Variants in SKI observed in about 807,000 individuals in gnomAD.
SKI encodes ski oncogene.
SKI carries 23 observed loss-of-function variants against 59.3 expected under a neutral mutation model. That is an observed-to-expected ratio of 0.39 (90% CI 0.28 to 0.55). The LOEUF is 0.55. Ranked by LOEUF, SKI falls within the 20% of genes least tolerant of loss-of-function variation. The probability of loss-of-function intolerance (pLI) is 0.67; values close to 1 mark genes in which losing one functional copy is unlikely to be tolerated. For synonymous variants in SKI, 673 were observed against 488.6 expected, an observed-to-expected ratio of 1.38 and a Z score of -4.98; for missense variants, 1,017 against 1,038.9, an observed-to-expected ratio of 0.98 and a Z score of 0.29.
intron 1 of SKI, among the ~76,000 whole-genome samples, chr1:2,294,251 G>T (rs1171628085): frequency 6.6e-6 from 1 of 152,228 alleles, no homozygotes; most frequent in African/African-American, 2.4e-5. Flanking sequence ...GGATGGAGAG[G>T]TCTAAGGCAG....
At chr1:2,287,450 C>T (rs1307868080) in intron 1 of SKI, among the ~76,000 whole-genome samples, 1 of 151,576 alleles carries the variant, frequency 6.6e-6, no homozygotes, top group African/African-American at 2.4e-5. Context: ...CATTCTCCTG[C>T]CTCAGCCTCC....
chr1:2,251,214 C>G (rs1639140661), intron 1 of SKI, among the ~76,000 whole-genome samples: 1 of 152,200 alleles, frequency 6.6e-6, no homozygotes, highest in African/African-American at 2.4e-5. Flanking sequence ...ACTGTCCGTT[C>G]TAGTCACAGT....
At chr1:2,251,670 G>GC (rs1201816304) in intron 1 of SKI, among the ~76,000 whole-genome samples, 1 of 152,234 alleles carries the variant, frequency 6.6e-6, no homozygotes, top group Non-Finnish European at 1.5e-5. Context: ...GGCAGTGGGA[G>GC]ACCTGCTCCA....
At chr1:2,259,081 A>G (rs1639330441) in intron 1 of SKI, among the ~76,000 whole-genome samples, 1 of 152,184 alleles carries the variant, frequency 6.6e-6, no homozygotes, top group African/African-American at 2.4e-5. Context: ...GGTCCGAGGT[A>G]GGGACTGAGA....
chr1:2,299,751 A>C (rs1306762271), intron 1 of SKI, among the ~76,000 whole-genome samples: 1 of 152,184 alleles, frequency 6.6e-6, no homozygotes, highest in Non-Finnish European at 1.5e-5. Flanking sequence ...CGCCCTGAGC[A>C]TCTGCACGTG....
Position 2,229,819 on chromosome 1 carries a change from G to A in SKI, c.969+84G>A. On this transcript the variant is annotated intron_variant, in intron 1 of 6. Transcript: ENST00000378536. This position sits in a 1 kb window ranked among gnomAD's most constrained non-coding sequence, Gnocchi z 6.3. ...GGACTACAGGCTCTGGTCTCCGAAG[G>A]CTGGGACCTGTGCTTCTGCCGTGCC... 2 of 1,544,962 alleles carry A rather than the reference G, an allele frequency of 1.3e-6. No homozygotes were observed. The highest frequency in any genetic ancestry group is 1.7e-4 in the Middle Eastern group (1 of 5,866).
chr1:2,267,029 G>A lies in SKI; in HGVS notation c.970-35949G>A, dbSNP rs566759383. Reference sequence around the variant, plus strand: ...GCTGACTGGCACATCCATTGTGAGCGGATGTGTTTTCCTTCTGCAATAATT... The same window carrying A: ...GCTGACTGGCACATCCATTGTGAGCAGATGTGTTTTCCTTCTGCAATAATT... On this transcript the variant is annotated intron_variant, in intron 1 of 6. Transcript: ENST00000378536. This position sits in a 1 kb window ranked among gnomAD's most constrained non-coding sequence, Gnocchi z 4.1. 1.3e-5 allele frequency among the ~76,000 whole-genome samples: 2 copies of A among 152,108 alleles called. No homozygotes were observed. Among genetic ancestry groups the A allele is most frequent in the African/African-American group, 2.4e-5 (1 of 41,416 alleles).
intron 1 of SKI, among the ~76,000 whole-genome samples, chr1:2,246,715 T>C (rs550408718): frequency 6.6e-6 from 1 of 152,322 alleles, no homozygotes; most frequent in South Asian, 2.1e-4. Context: ...GACAGTGACC[T>C]GCTGGGGCCG....
At chr1:2,243,345 C>T (rs1638921109) in intron 1 of SKI, among the ~76,000 whole-genome samples, 1 of 152,270 alleles carries the variant, frequency 6.6e-6, no homozygotes, top group Non-Finnish European at 1.5e-5. Context: ...CTCTCGTGCT[C>T]CTCGGCAGGG....
chr1:2,286,764 G>C (rs368862767), intron 1 of SKI, among the ~76,000 whole-genome samples: 2 of 152,208 alleles, frequency 1.3e-5, no homozygotes. Context: ...GGCTCCGGTC[G>C]TGGGCTAGTG....
intron 1 of SKI, among the ~76,000 whole-genome samples, chr1:2,263,391 CTGTG>C (rs1639429209): frequency 6.6e-6 from 1 of 151,936 alleles, no homozygotes; most frequent in Non-Finnish European, 1.5e-5. Context: ...GCGCATGCCA[CTGTG>C]CCTGGCTAAT....
chr1:2,288,983 C>T lies in SKI; in HGVS notation c.970-13995C>T, dbSNP rs530323717. ...CTGCCTCGCTCTTCCTGCAGGTCCC[C>T]GGTGCCGCCTGGTTTTCCCGAATCG... On this transcript the variant is annotated intron_variant, in intron 1 of 6. Coordinates refer to ENST00000378536, the MANE Select transcript of SKI (RefSeq NM_003036.4). Among the ~76,000 whole-genome samples, 155 of 152,330 alleles carry T rather than the reference C, an allele frequency of 1.0e-3. 1 individual carries two copies. The highest frequency in any genetic ancestry group is 3.6e-3 in the African/African-American group (148 of 41,574).
rs1011573724 is a variant in SKI at position 2,305,793 on chromosome 1, G to C, written c.1768-227G>C. Among the ~76,000 whole-genome samples, 7 of 152,336 alleles carry C rather than the reference G, an allele frequency of 4.6e-5. No homozygotes were observed. The South Asian group carries it at 1.4e-3, about 32-fold the overall frequency. Reference sequence around the variant, plus strand: ...TCAAGTGACTGACTCAGGCCCCCAGGTTTAGCACAGCTGCCACAGGCCTGG... The same window carrying C: ...TCAAGTGACTGACTCAGGCCCCCAGCTTTAGCACAGCTGCCACAGGCCTGG... On this transcript the variant is annotated intron_variant, in intron 5 of 6. Transcript: ENST00000378536.
intron 1 of SKI, among the ~76,000 whole-genome samples, chr1:2,292,772 C>T (rs1226262055): frequency 6.6e-6 from 1 of 152,208 alleles, no homozygotes; most frequent in East Asian, 1.9e-4. Flanking sequence ...CTTTTAGGAA[C>T]CTTGAGGAGG....
At chr1:2,296,504 T>C (rs1323130843) in intron 1 of SKI, among the ~76,000 whole-genome samples, 1 of 152,234 alleles carries the variant, frequency 6.6e-6, no homozygotes, top group Non-Finnish European at 1.5e-5. Flanking sequence ...TTGCATGCGG[T>C]TACTGGATGT....
chr1:2,240,992 G>C (rs1438602669), intron 1 of SKI, among the ~76,000 whole-genome samples: 1 of 152,214 alleles, frequency 6.6e-6, no homozygotes, highest in Non-Finnish European at 1.5e-5. Flanking sequence ...GGAGCTGCAG[G>C]CGAGGGCTTT....
rs200717031 is a variant in SKI at position 2,304,084 on chromosome 1, G to A, written c.1456G>A (p.Val486Ile). Reference sequence around the variant, plus strand: ...CAAGGACTCGGAGGCGGAGGTGGAAGTTGAAAGCAGGGAGGAATGTACGTG... The same window carrying A: ...CAAGGACTCGGAGGCGGAGGTGGAAATTGAAAGCAGGGAGGAATGTACGTG... ...EDKDSEAEVE[V>I]ESREEFTSSL... The change falls in exon 4 of 7, where the codon GTT (valine) becomes ATT (isoleucine). Residue 486 changes from valine to isoleucine, a missense_variant. Transcript: ENST00000378536. 31 of 1,612,596 alleles carry A rather than the reference G, an allele frequency of 1.9e-5. No individual in the cohort carries two copies. Among genetic ancestry groups the A allele is most frequent in the African/African-American group, 1.2e-4 (9 of 75,038 alleles).
chr1:2,297,512 T>G (rs1640313238), intron 1 of SKI, among the ~76,000 whole-genome samples: 1 of 152,224 alleles, frequency 6.6e-6, no homozygotes, highest in South Asian at 2.1e-4. Flanking sequence ...CCGCTCCACC[T>G]GCTGTGGCCC....
chr1:2,286,094 G>C (rs1383134858), intron 1 of SKI, among the ~76,000 whole-genome samples: 2 of 151,550 alleles, frequency 1.3e-5, no homozygotes, highest in African/African-American at 4.9e-5. Flanking sequence ...GGCTAGTCTT[G>C]AACTCCTGAC....
Sources: gnomAD v4.1 joint callset for allele counts (sites outside exome capture counted in the v4.1 genomes callset) on GRCh38, gnomAD v4.1.1 for gene constraint, Gnocchi (gnomAD v3.1) non-coding constraint, MANE v1.5 for transcripts, NCBI Gene and HGNC (gene_info 2026-07-23, HGNC 2026-07-21) for gene names.